Variants in NPR3 observed in about 807,000 individuals in gnomAD.
The protein encoded by NPR3 is atrial natriuretic peptide receptor 3.
Under a neutral mutation model 54.5 loss-of-function variants are expected in NPR3, and 34 were observed. The ratio of observed to expected loss-of-function variants is 0.62; its 90% confidence interval spans 0.47 to 0.83. The LOEUF (loss-of-function observed/expected upper bound fraction) is 0.83, where lower values mean the gene tolerates loss of function less well. Among genes scored for constraint, NPR3 ranks in the 40% least tolerant of loss-of-function variants. NPR3 has a pLI of 0.00. For synonymous variants in NPR3, 289 were observed against 297.1 expected (o/e 0.97, Z 0.28); for missense variants, 674 against 720.8 (o/e 0.94, Z 0.74).
chr5:32,738,454 C>T (rs1249485960), intron 2 of NPR3, among the ~76,000 whole-genome samples: 1 of 152,112 alleles, frequency 6.6e-6, no homozygotes, highest in African/African-American at 2.4e-5. Context: ...CACATAACAT[C>T]AGGTTTATTA....
At chr5:32,721,790 AAAG>A (rs756589453) in intron 1 of NPR3, among the ~76,000 whole-genome samples, 30 of 152,238 alleles carry the variant, frequency 2.0e-4, no homozygotes, top group Non-Finnish European at 3.8e-4. Context: ...TTTGTAAAGA[AAAG>A]AAGTTTATTT....
At chr5:32,778,463 TCTGA>T (rs1256512962) in intron 4 of NPR3, among the ~76,000 whole-genome samples, 1 of 152,184 alleles carries the variant, frequency 6.6e-6, no homozygotes, top group African/African-American at 2.4e-5. Flanking sequence ...GGAAAAATAC[TCTGA>T]CTGTGATTTG....
intron 3 of NPR3, among the ~76,000 whole-genome samples, chr5:32,748,854 T>C (rs1432390412): frequency 6.6e-6 from 1 of 152,220 alleles, no homozygotes; most frequent in Non-Finnish European, 1.5e-5. Flanking sequence ...AACTTTAAAA[T>C]GGGATGTGGC....
In NPR3 at chr5:32,739,013, C is replaced by T. The variant is rs1192002170; in HGVS notation, c.1042C>T (p.Leu348Phe). The change falls in exon 3 of 8, where the codon CTC becomes TTC. Residue 348 changes from leucine (L) to phenylalanine (F), a missense_variant. Physicochemically the swap from Leu to Phe is conservative, Grantham distance 22. Transcript: ENST00000265074. ...GAAAAGTTCAGTTGAGAAACAAGGG[C>T]TCAATATGGAGGATTACGTAAGTGC... ...EVKSSVEKQG[L>F]NMEDYVNMFV... 1 of 1,613,818 alleles carries T rather than the reference C, an allele frequency of 6.2e-7. No homozygotes were observed. Among genetic ancestry groups the T allele is most frequent in the Non-Finnish European group, 8.5e-7 (1 of 1,179,832 alleles).
At chr5:32,736,399 T>C (rs1031627159) in intron 2 of NPR3, among the ~76,000 whole-genome samples, 2 of 152,192 alleles carry the variant, frequency 1.3e-5, no homozygotes, top group African/African-American at 4.8e-5. Flanking sequence ...GTCCTATGTG[T>C]GTTTTCTAAT....
At chr5:32,714,588 G>T (rs1738452456) in intron 1 of NPR3, among the ~76,000 whole-genome samples, 1 of 151,812 alleles carries the variant, frequency 6.6e-6, no homozygotes, top group Admixed American at 6.6e-5. Context: ...ATAAGGTTAG[G>T]ATTTTACAAT....
At chr5:32,726,420 C>T (rs1408527914) in intron 2 of NPR3, among the ~76,000 whole-genome samples, 5 of 152,168 alleles carry the variant, frequency 3.3e-5, no homozygotes, top group Non-Finnish European at 5.9e-5. Context: ...TCCTTCCTGC[C>T]ATGATGGTCT....
intron 3 of NPR3, among the ~76,000 whole-genome samples, chr5:32,753,376 G>A (rs1015169275): frequency 5.3e-5 from 8 of 151,088 alleles, no homozygotes; most frequent in African/African-American, 1.7e-4. Context: ...AATTTGGCCA[G>A]CTTCTTCACA....
intron 5 of NPR3, among the ~76,000 whole-genome samples, chr5:32,781,260 ACT>A (rs139586674): frequency 0.014 from 2,057 of 151,906 alleles, 53 homozygotes; most frequent in African/African-American, 0.047. Context: ...GGGAGTGTGA[ACT>A]CTCTGCCTCA....
rs537577484 is a variant in NPR3 at position 32,731,448 on chromosome 5, C to A, written c.892+6628C>A. Among the ~76,000 whole-genome samples the A allele has an allele frequency of 1.1e-4, 16 of 152,278 alleles. No individual in the cohort carries two copies. The South Asian group carries it at 2.9e-3, about 28-fold the overall frequency. On this transcript the variant is annotated intron_variant, in intron 2 of 7. Transcript: ENST00000265074. ...TTAACCCTGGCAAAGTAACATAACT[C>A]TGCCCTCCCCTGCAAGCCTTAGTTT...
chr5:32,712,186 A>G lies in NPR3; in HGVS notation c.410A>G (p.Glu137Gly). 1 of 1,612,960 alleles carries G rather than the reference A, an allele frequency of 6.2e-7. No homozygotes were observed. The highest frequency in any genetic ancestry group is 1.1e-5 in the South Asian group (1 of 91,058). The change falls in exon 1 of 8, where the codon GAG (glutamate) becomes GGG (glycine). Residue 137 changes from glutamate to glycine, a missense_variant. Transcript: ENST00000265074. ...GACCTTATCCTGGGGCCAGTGTGCG[A>G]GTATGCAGCAGCGCCAGTGGCCCGG... ...KPDLILGPVC[E>G]YAAAPVARLA...
intron 4 of NPR3, among the ~76,000 whole-genome samples, chr5:32,777,479 G>C (rs1463671626): frequency 6.6e-6 from 1 of 152,164 alleles, no homozygotes; most frequent in Non-Finnish European, 1.5e-5. Context: ...TTAATGCACT[G>C]GGGTATGCCT....
At chr5:32,721,442 C>A (rs1219466731) in intron 1 of NPR3, among the ~76,000 whole-genome samples, 2 of 152,126 alleles carry the variant, frequency 1.3e-5, no homozygotes, top group African/African-American at 4.8e-5. Flanking sequence ...GTGGGCCGAT[C>A]ACTTAGCCTG....
At chr5:32,758,868 A>G (rs1157983875) in intron 3 of NPR3, among the ~76,000 whole-genome samples, 1 of 152,196 alleles carries the variant, frequency 6.6e-6, no homozygotes, top group African/African-American at 2.4e-5. Context: ...TGTACCCAGT[A>G]GTCATTCAGG....
intron 3 of NPR3, among the ~76,000 whole-genome samples, chr5:32,771,502 T>A (rs1741759741): frequency 6.6e-6 from 1 of 152,076 alleles, no homozygotes; most frequent in African/African-American, 2.4e-5. Context: ...TATCCTGGAT[T>A]GTAGCGGGGG....
intron 1 of NPR3, among the ~76,000 whole-genome samples, chr5:32,722,796 C>A (rs1202730733): frequency 1.3e-5 from 2 of 152,152 alleles, no homozygotes; most frequent in African/African-American, 4.8e-5. Context: ...TAAATCATAA[C>A]AAATAATTAG....
rs1741950210 is a variant in NPR3, at chr5:32,774,692, G to T, written c.1060-16G>T. 1 of 1,605,114 alleles carries T rather than the reference G, an allele frequency of 6.2e-7. No individual in the cohort carries two copies. Among genetic ancestry groups the T allele is most frequent in the South Asian group, 1.1e-5 (1 of 90,892 alleles). ...ACTTGGTGTTTTGGTTCACCCATCTGGGGTTTTCTTTTCAGGTTAACATGT... is the reference window on the plus strand; with the variant it reads ...ACTTGGTGTTTTGGTTCACCCATCTTGGGTTTTCTTTTCAGGTTAACATGT... On this transcript the variant is annotated splice_polypyrimidine_tract_variant and intron_variant, in intron 3 of 7. Transcript: ENST00000265074.
At chr5:32,710,751 G>A, upstream of NPR3, 1 of 1,548,408 alleles carries the variant, frequency 6.5e-7, no homozygotes, top group Non-Finnish European at 8.7e-7. Flanking sequence ...CCGCGTCGGT[G>A]CTTCAGGAGG....
At chr5:32,722,956 C>G (rs1181125040) in intron 1 of NPR3, among the ~76,000 whole-genome samples, 1 of 152,142 alleles carries the variant, frequency 6.6e-6, no homozygotes, top group Non-Finnish European at 1.5e-5. Flanking sequence ...TTCTCTAGAG[C>G]TTTTATGCTG....
Sources: gnomAD v4.1 joint callset for allele counts (sites outside exome capture counted in the v4.1 genomes callset) on GRCh38, gnomAD v4.1.1 for gene constraint, MANE v1.5 for transcripts, NCBI Gene and HGNC (gene_info 2026-07-23, HGNC 2026-07-21) for gene names.